The following LPP variants were observed in gnomAD, a reference collection of about 807,000 sequenced individuals.
The protein encoded by LPP is lipoma-preferred partner.
Under a neutral mutation model 60.4 loss-of-function variants are expected in LPP, and 38 were observed. The observed-to-expected ratio is 0.63, with a 90% CI of 0.49 to 0.83. The LOEUF is 0.83. Among genes scored for constraint, LPP ranks in the 40% least tolerant of loss-of-function variants. LPP has a pLI of 0.00. For synonymous variants in LPP, 328 were observed against 290.8 expected (o/e 1.13, Z -1.30); for missense variants, 902 against 783.6 (o/e 1.15, Z -1.80).
chr3:188,173,014 C>T (rs1722012210), intron 1 of LPP, among the ~76,000 whole-genome samples: 2 of 152,144 alleles, frequency 1.3e-5, no homozygotes, highest in South Asian at 4.1e-4. Flanking sequence ...ACAACAGGTG[C>T]ATGCCACCAC....
rs73888960 is a variant in LPP, at chr3:188,872,603, G to A, written c.1590-40G>A. On this transcript the variant is annotated intron_variant, in intron 10 of 11. Coordinates refer to ENST00000617246, the MANE Select transcript of LPP (RefSeq NM_001375462.1). The stretch of plus-strand genomic sequence containing the variant: ...TACCTCTGCGTCCCACCTCAGTGTC[G>A]ACGCGCAGTATCTAACCAGAACTCT... 3,171 of 1,613,138 alleles carry A rather than the reference G, an allele frequency of 2.0e-3. 57 individuals carry two copies. The African/African-American group carries it at 0.037, about 19-fold the overall frequency.
intron 9 of LPP, among the ~76,000 whole-genome samples, chr3:188,853,361 T>C (rs183312792): frequency 6.6e-6 from 1 of 152,346 alleles, no homozygotes; most frequent in African/African-American, 2.4e-5. Context: ...ACTTGGGTTC[T>C]CTGCTATGGT....
At chr3:188,159,470 T>C (rs1056843343) in intron 1 of LPP, among the ~76,000 whole-genome samples, 3 of 152,252 alleles carry the variant, frequency 2.0e-5, no homozygotes, top group Admixed American at 1.3e-4. Flanking sequence ...CACTTCATCT[T>C]ACATATTTGT....
At chr3:188,574,039 A>G (rs1282856703) in intron 6 of LPP, among the ~76,000 whole-genome samples, 1 of 152,076 alleles carries the variant, frequency 6.6e-6, no homozygotes, top group Non-Finnish European at 1.5e-5. Context: ...TAATAAACCA[A>G]AGCCTGTGAG....
chr3:188,466,615 AAT>A (rs1286729391), intron 4 of LPP, among the ~76,000 whole-genome samples: 1 of 151,516 alleles, frequency 6.6e-6, no homozygotes, highest in African/African-American at 2.4e-5. Flanking sequence ...AGGGTTTATA[AAT>A]ACCTATTGAT....
intron 2 of LPP, among the ~76,000 whole-genome samples, chr3:188,278,802 G>A (rs576005175): frequency 1.3e-3 from 202 of 152,218 alleles, no homozygotes; most frequent in African/African-American, 4.7e-3. Context: ...TGCATCTTCT[G>A]GTAGATGATG....
Position 188,610,935 on chromosome 3 carries a change from G to A in LPP, c.1113+1091G>A, listed in dbSNP as rs1469979870. On this transcript the variant is annotated intron_variant, in intron 7 of 11. Transcript: ENST00000617246. The surrounding 1 kb of genome is among the most constrained non-coding windows in gnomAD (Gnocchi z 4.4). The stretch of plus-strand genomic sequence containing the variant: ...TAGAAGTTCAATGGTAGTTTTGGGG[G>A]ATGGATTGGGTAGAAGTTTGGACTG... 6.6e-6 allele frequency among the ~76,000 whole-genome samples: 1 copy of A among 152,168 alleles called. No individual in the cohort carries two copies. The highest frequency in any genetic ancestry group is 1.5e-5 in the Non-Finnish European group (1 of 68,028).
chr3:188,338,507 G>A (rs55745965), intron 2 of LPP, among the ~76,000 whole-genome samples: 13,675 of 152,126 alleles, frequency 0.09, 682 homozygotes, highest in Non-Finnish European at 0.098. Context: ...TGGCCTTTTC[G>A]CAGTGGTTTT....
chr3:188,494,578 G>A (rs985129173), intron 5 of LPP, among the ~76,000 whole-genome samples: 1 of 152,042 alleles, frequency 6.6e-6, no homozygotes, highest in Non-Finnish European at 1.5e-5. Flanking sequence ...ACAGTTCCTG[G>A]TGTCCTGCTC....
At chr3:188,390,757 T>TG (rs1779503514) in intron 3 of LPP, among the ~76,000 whole-genome samples, 1 of 152,216 alleles carries the variant, frequency 6.6e-6, no homozygotes, top group Non-Finnish European at 1.5e-5. Context: ...TTTCTTTTAC[T>TG]ATACCTATTG....
intron 8 of LPP, among the ~76,000 whole-genome samples, chr3:188,748,016 CA>C (rs1726838925): frequency 6.6e-6 from 1 of 152,134 alleles, no homozygotes; most frequent in Admixed American, 6.6e-5. Context: ...TCAGTGTACT[CA>C]AATCAGTCTT....
chr3:188,819,006 A>G (rs1299031131), intron 9 of LPP, among the ~76,000 whole-genome samples: 1 of 149,910 alleles, frequency 6.7e-6, no homozygotes, highest in Non-Finnish European at 1.5e-5. Flanking sequence ...TTCTGTCTAA[A>G]GAGTTGCAAC....
At chr3:188,339,883 T>A (rs1484234857) in intron 2 of LPP, among the ~76,000 whole-genome samples, 1 of 152,212 alleles carries the variant, frequency 6.6e-6, no homozygotes, top group Non-Finnish European at 1.5e-5. Flanking sequence ...TCTGAGAAAG[T>A]GTTTATGGTA....
chr3:188,263,392 T>G (rs1734365817), intron 2 of LPP, among the ~76,000 whole-genome samples: 1 of 152,184 alleles, frequency 6.6e-6, no homozygotes, highest in African/African-American at 2.4e-5. Flanking sequence ...CCTATTATTT[T>G]CTCTCTCAAA....
At chr3:188,253,992 G>C (rs1730809680) in intron 2 of LPP, among the ~76,000 whole-genome samples, 1 of 152,322 alleles carries the variant, frequency 6.6e-6, no homozygotes, top group Admixed American at 6.5e-5. Flanking sequence ...AATTTGGGAA[G>C]TTTTGCAAGT....
intron 1 of LPP, among the ~76,000 whole-genome samples, chr3:188,169,740 A>T (rs1381707980): frequency 6.6e-6 from 1 of 152,112 alleles, no homozygotes; most frequent in South Asian, 2.1e-4. Context: ...GGGTTCAGTG[A>T]TGTAATATGC....
chr3:188,423,638 C>T (rs1041131109), intron 4 of LPP, among the ~76,000 whole-genome samples: 3 of 152,222 alleles, frequency 2.0e-5, no homozygotes, highest in African/African-American at 7.2e-5. Context: ...GATCACCATT[C>T]TAACTGGCAT....
At chr3:188,278,736 G>C (rs1404980356) in intron 2 of LPP, among the ~76,000 whole-genome samples, 1 of 151,998 alleles carries the variant, frequency 6.6e-6, no homozygotes, top group African/African-American at 2.4e-5. Context: ...GGGCATTCTC[G>C]AGAACTTGGG....
chr3:188,808,970 A>G (rs1015137879), intron 9 of LPP, among the ~76,000 whole-genome samples: 1 of 152,156 alleles, frequency 6.6e-6, no homozygotes, highest in Non-Finnish European at 1.5e-5. Context: ...GCTGAGGATG[A>G]TGGCTTCCAG....
Sources: gnomAD v4.1 joint callset for allele counts (sites outside exome capture counted in the v4.1 genomes callset) on GRCh38, gnomAD v4.1.1 for gene constraint, Gnocchi (gnomAD v3.1) non-coding constraint, MANE v1.5 for transcripts, NCBI Gene and HGNC (gene_info 2026-07-23, HGNC 2026-07-21) for gene names.